The following CRY1 variants were observed in gnomAD, a reference collection of about 807,000 sequenced individuals.
The protein encoded by CRY1 is cryptochrome circadian regulator 1.
Under a neutral mutation model 76.0 loss-of-function variants are expected in CRY1, and 45 were observed. The ratio of observed to expected loss-of-function variants is 0.59; its 90% CI spans 0.47 to 0.76. The LOEUF (loss-of-function observed/expected upper bound fraction) is 0.76, where lower values mean the gene tolerates loss of function less well. CRY1 is among the 30% of genes least tolerant of loss of function. The pLI, the probability that CRY1 is intolerant of heterozygous loss-of-function variation, is 0.00. For synonymous variants in CRY1, 248 were observed against 244.0 expected (o/e 1.02, Z -0.15); for missense variants, 587 against 716.4 (o/e 0.82, Z 2.06).
chr12:107,024,455 G>A (rs1593509556), intron 1 of CRY1, among the ~76,000 whole-genome samples: 4 of 151,114 alleles, frequency 2.6e-5, no homozygotes, highest in African/African-American at 9.7e-5. Flanking sequence ...TGCTAAGGCT[G>A]GAATCATGGT....
intron 1 of CRY1, among the ~76,000 whole-genome samples, chr12:107,066,206 A>AG (rs1953108320): frequency 6.6e-6 from 1 of 152,224 alleles, no homozygotes; most frequent in South Asian, 2.1e-4. Flanking sequence ...CCAACTTTAC[A>AG]GTTCAGTAAA....
At chr12:107,020,869 T>G (rs575798875) in intron 2 of CRY1, among the ~76,000 whole-genome samples, 1 of 152,368 alleles carries the variant, frequency 6.6e-6, no homozygotes, top group East Asian at 1.9e-4. Flanking sequence ...GCTAGTTGTA[T>G]GATCTTGGGC....
intron 1 of CRY1, among the ~76,000 whole-genome samples, chr12:107,070,926 G>C (rs1020394751): frequency 2.7e-5 from 4 of 148,858 alleles, no homozygotes; most frequent in Admixed American, 1.4e-4. Context: ...GGATGATCTC[G>C]ATCTCCTGAC....
chr12:107,081,164 A>G (rs1445892496), intron 1 of CRY1, among the ~76,000 whole-genome samples: 1 of 152,082 alleles, frequency 6.6e-6, no homozygotes, highest in Non-Finnish European at 1.5e-5. Flanking sequence ...TGGTTACTGA[A>G]AATTAAGAGA....
chr12:107,015,490 T>A (rs1017260553), intron 2 of CRY1, among the ~76,000 whole-genome samples: 1 of 152,020 alleles, frequency 6.6e-6, no homozygotes, highest in African/African-American at 2.4e-5. Context: ...ACCACAGGCA[T>A]GCGCCACCAT....
At chr12:107,053,131 A>G (rs1001234838) in intron 1 of CRY1, among the ~76,000 whole-genome samples, 48 of 152,234 alleles carry the variant, frequency 3.2e-4, no homozygotes, top group African/African-American at 1.1e-3. Context: ...TTGAAAAAGA[A>G]CCAAAGAAAA....
chr12:107,085,497 G>C (rs1593546967), intron 1 of CRY1, among the ~76,000 whole-genome samples: 2 of 152,256 alleles, frequency 1.3e-5, no homozygotes, highest in South Asian at 4.1e-4. Context: ...AAAAGAATGA[G>C]TTCATGTCCT....
At position 107,078,015 on chromosome 12, in the gene CRY1, G is replaced by A. The variant is rs114943938; in HGVS notation, c.158+14789C>T. On this transcript the variant is annotated intron_variant, in intron 1 of 12. Transcript: ENST00000008527. ...AATGAAGATCTGGCAAAAAATTTACGTAATTCATTGATTAAGGAAGAAAGA... is the reference window on the plus strand; with the variant it reads ...AATGAAGATCTGGCAAAAAATTTACATAATTCATTGATTAAGGAAGAAAGA... Among the ~76,000 whole-genome samples, 1,221 of 152,230 alleles carry A rather than the reference G, an allele frequency of 8.0e-3. 20 individuals carry two copies. Among genetic ancestry groups the A allele is most frequent in the African/African-American group, 0.026 (1,076 of 41,534 alleles).
chr12:107,072,045 A>C (rs1389473963), intron 1 of CRY1, among the ~76,000 whole-genome samples: 1 of 152,220 alleles, frequency 6.6e-6, no homozygotes, highest in Non-Finnish European at 1.5e-5. Flanking sequence ...TTTCATGGAA[A>C]CTTGTGCTCA....
intron 1 of CRY1, among the ~76,000 whole-genome samples, chr12:107,031,233 G>T (rs543842361): frequency 1.4e-4 from 22 of 152,144 alleles, no homozygotes; most frequent in Non-Finnish European, 3.1e-4. Flanking sequence ...TTTCTGCAGA[G>T]CCCTGAGAAC....
chr12:107,005,957 T>A (rs921045914), intron 2 of CRY1, among the ~76,000 whole-genome samples: 64 of 152,314 alleles, frequency 4.2e-4, no homozygotes, highest in Admixed American at 3.3e-4. Flanking sequence ...GTTTTTTTTT[T>A]ATTCTAAGTC....
chr12:107,085,872 TCAAAA>T (rs1159313162), intron 1 of CRY1, among the ~76,000 whole-genome samples: 6 of 151,484 alleles, frequency 4.0e-5, no homozygotes, highest in African/African-American at 7.3e-5. Context: ...CTTAGAGAAC[TCAAAA>T]CAAAACAAAA....
intron 1 of CRY1, among the ~76,000 whole-genome samples, chr12:107,054,778 T>C (rs1565838091): frequency 6.6e-6 from 1 of 152,042 alleles, no homozygotes; most frequent in Non-Finnish European, 1.5e-5. Context: ...ATAATGACTT[T>C]AACCAGGTTA....
rs114905774 is a variant in CRY1 at position 106,999,412 on chromosome 12, G to A, written c.1137+139C>T. The A allele has an allele frequency of 2.1e-3, 1,513 of 730,474 alleles. 23 individuals are homozygous for A. In the African/African-American group the frequency reaches 0.024, roughly 12 times the overall value. 45.2% of individuals were successfully genotyped at this position (730,474 alleles called of 1,614,324 possible). On this transcript the variant is annotated intron_variant, in intron 7 of 12. Coordinates refer to ENST00000008527, the MANE Select transcript of CRY1 (RefSeq NM_004075.5). ...ACCATTTTTCTCTGAAAGTGTCCCC[G>A]TATTTGGGGAATTAAATGTTTTATC...
Position 106,997,240 on chromosome 12 carries a change from T to G in CRY1, c.1585+54A>C. 19 of 1,414,254 alleles carry G rather than the reference T, an allele frequency of 1.3e-5. No homozygotes were observed. The South Asian group carries it at 2.2e-4, about 17-fold the overall frequency. The allele number at this position is 1,414,254 out of a possible 1,614,324, so 87.6% of individuals were successfully genotyped here. On this transcript the variant is annotated intron_variant, in intron 10 of 12. Coordinates refer to ENST00000008527, the MANE Select transcript of CRY1 (RefSeq NM_004075.5). Reference sequence around the variant, plus strand: ...TTAGTGAGGATCAATAACAAATATATTTGTTTAATAACCTCTTCATGTTAC... The same window carrying G: ...TTAGTGAGGATCAATAACAAATATAGTTGTTTAATAACCTCTTCATGTTAC...
intron 2 of CRY1, among the ~76,000 whole-genome samples, chr12:107,011,898 A>C (rs115934025): frequency 0.011 from 1,728 of 152,304 alleles, 26 homozygotes; most frequent in African/African-American, 0.039. Flanking sequence ...AGACAGAAAA[A>C]GTCAATGCCA....
At chr12:107,036,432 A>G (rs778674811) in intron 1 of CRY1, among the ~76,000 whole-genome samples, 16 of 152,092 alleles carry the variant, frequency 1.1e-4, no homozygotes, top group Non-Finnish European at 1.9e-4. Flanking sequence ...TCTGACCTAG[A>G]TGATTCCACT....
chr12:107,005,947 G>GA (rs1952369432), intron 2 of CRY1, among the ~76,000 whole-genome samples: 1 of 148,880 alleles, frequency 6.7e-6, no homozygotes, highest in Non-Finnish European at 1.5e-5. Flanking sequence ...TAAGGAGAAA[G>GA]TTTTTTTTTT....
At chr12:107,073,954 T>C (rs1358564873) in intron 1 of CRY1, among the ~76,000 whole-genome samples, 1 of 152,184 alleles carries the variant, frequency 6.6e-6, no homozygotes, top group Non-Finnish European at 1.5e-5. Context: ...AAACAAACTT[T>C]GATACACCTA....
Sources: allele counts gnomAD v4.1 joint callset (sites outside exome capture counted in the v4.1 genomes callset), GRCh38; gene constraint gnomAD v4.1.1; transcripts MANE v1.5; gene names NCBI Gene and HGNC (gene_info 2026-07-23, HGNC 2026-07-21).